RASEF: variants seen among roughly 807,000 people sequenced by gnomAD.
The protein encoded by RASEF is ras and EF-hand domain-containing protein.
In RASEF, 68 loss-of-function variants were observed where a neutral mutation model predicts 90.1. That is an observed-to-expected ratio of 0.75 (90% CI 0.62 to 0.92). RASEF has a LOEUF of 0.92. Among genes scored for constraint, RASEF ranks in the 40% least tolerant of loss-of-function variants. RASEF has a pLI of 0.00. For synonymous variants in RASEF, 331 were observed against 345.2 expected (o/e 0.96, Z 0.46); for missense variants, 949 against 937.2 (o/e 1.01, Z -0.16).
upstream of RASEF, among the ~76,000 whole-genome samples, chr9:83,066,452 C>G (rs143939454): frequency 3.3e-3 from 501 of 152,344 alleles, 4 homozygotes; most frequent in African/African-American, 0.011. Flanking sequence ...GTCATATAAT[C>G]TGTCTCTAAT....
the RASEF span, among the ~76,000 whole-genome samples, chr9:83,105,177 CT>C: frequency 8.5e-5 from 13 of 152,180 alleles, no homozygotes; most frequent in Non-Finnish European, 1.8e-4. Flanking sequence ...TTTCCACCTC[CT>C]TTTGCTGCTT....
At chr9:83,040,668 G>A (rs1290898623) in intron 1 of RASEF, among the ~76,000 whole-genome samples, 4 of 152,066 alleles carry the variant, frequency 2.6e-5, no homozygotes, top group Non-Finnish European at 4.4e-5. Context: ...ATTATATATT[G>A]AATACCTACC....
chr9:83,087,586 T>A, the RASEF span, among the ~76,000 whole-genome samples: 1 of 152,140 alleles, frequency 6.6e-6, no homozygotes, highest in African/African-American at 2.4e-5. Flanking sequence ...CAGTTTTTTT[T>A]AATCCATTGT....
In RASEF at chr9:83,000,891, C is replaced by T; in HGVS notation, c.1437+5G>A. The T allele has an allele frequency of 6.2e-7, 1 of 1,610,556 alleles. No homozygotes were observed. Among genetic ancestry groups the T allele is most frequent in the Non-Finnish European group, 8.5e-7 (1 of 1,176,786 alleles). Reference sequence around the variant, plus strand: ...CCTAGGAGAGCAGTGGTTTCTGGGGCTTACATCTGTGTCTGAAGCATCACC... The same window carrying T: ...CCTAGGAGAGCAGTGGTTTCTGGGGTTTACATCTGTGTCTGAAGCATCACC... On this transcript the variant is annotated splice_donor_5th_base_variant and intron_variant, in intron 10 of 16. Transcript: ENST00000376447.
chr9:82,992,834 G>A, intron 15 of RASEF, 72 bp downstream of exon 15: 1 of 1,523,302 alleles, frequency 6.6e-7, no homozygotes, highest in Non-Finnish European at 8.9e-7. Flanking sequence ...GTAGACAAAA[G>A]TGAAAGGCCA....
the RASEF span, among the ~76,000 whole-genome samples, chr9:83,199,738 G>A: frequency 3.9e-5 from 6 of 152,210 alleles, no homozygotes; most frequent in Non-Finnish European, 8.8e-5. Flanking sequence ...AGGAGGCAGG[G>A]CATGGGTGCT....
At chr9:83,195,831 T>C in the RASEF span, among the ~76,000 whole-genome samples, 4 of 152,012 alleles carry the variant, frequency 2.6e-5, no homozygotes, top group South Asian at 2.1e-4. Flanking sequence ...AGGAATAATA[T>C]ATTTCTTCTC....
intron 16 of RASEF, among the ~76,000 whole-genome samples, chr9:82,984,519 T>G (rs1174426170): frequency 6.6e-6 from 1 of 152,178 alleles, no homozygotes; most frequent in Non-Finnish European, 1.5e-5. Flanking sequence ...ATACATGTTT[T>G]TCATATTTGA....
chr9:83,021,474 TA>T (rs951202133), intron 3 of RASEF, among the ~76,000 whole-genome samples: 73 of 152,184 alleles, frequency 4.8e-4, no homozygotes, highest in African/African-American at 1.6e-3. Flanking sequence ...AAATATTTTA[TA>T]AAAAAATTAT....
chr9:83,204,786 C>T, the RASEF span, among the ~76,000 whole-genome samples: 5 of 152,140 alleles, frequency 3.3e-5, no homozygotes, highest in African/African-American at 4.8e-5. Context: ...GACTGTTTTA[C>T]AAAATGGATA....
rs1015455296 is a variant in RASEF, at chr9:82,986,089, A to G, written c.2118-3307T>C. Among the ~76,000 whole-genome samples the G allele has an allele frequency of 9.5e-4, 144 of 152,212 alleles. 1 individual carries two copies. Among genetic ancestry groups the G allele is most frequent in the African/African-American group, 3.3e-3 (138 of 41,456 alleles). On this transcript the variant is annotated intron_variant, in intron 16 of 16. Coordinates refer to ENST00000376447, the MANE Select transcript of RASEF (RefSeq NM_152573.4). ...TGTGTGGATGGAAGACATTAGACAG[A>G]CAGAGAGTGAAAAGAAAGAGAGGAC...
chr9:83,013,201 GAACAAC>G (rs201832525), intron 4 of RASEF, among the ~76,000 whole-genome samples: 2 of 151,908 alleles, frequency 1.3e-5, no homozygotes, highest in African/African-American at 4.8e-5. Context: ...ATAACCTGGA[GAACAAC>G]AACAACAACA....
the RASEF span, among the ~76,000 whole-genome samples, chr9:83,170,864 G>T: frequency 3.3e-5 from 5 of 151,890 alleles, no homozygotes; most frequent in African/African-American, 1.2e-4. Flanking sequence ...CATATTACCT[G>T]CAAACAATAA....
At chr9:82,997,280 G>A (rs1369041756) in intron 13 of RASEF, among the ~76,000 whole-genome samples, 154 bp from the exon 14 acceptor site, 1 of 152,066 alleles carries the variant, frequency 6.6e-6, no homozygotes, top group Admixed American at 6.6e-5. Context: ...CAAAGGTCTC[G>A]AATGACCCAA....
At chr9:83,211,758 C>T in the RASEF span, among the ~76,000 whole-genome samples, 1 of 152,100 alleles carries the variant, frequency 6.6e-6, no homozygotes, top group Non-Finnish European at 1.5e-5. Flanking sequence ...TTGTCTAGGC[C>T]ACTTGTGCCT....
the RASEF span, among the ~76,000 whole-genome samples, chr9:83,155,855 CA>C: frequency 6.6e-6 from 1 of 152,180 alleles, no homozygotes; most frequent in Non-Finnish European, 1.5e-5. Context: ...TTAGATTCAG[CA>C]GTCAACTGCC....
Position 83,012,431 on chromosome 9 carries a change from T to C in RASEF, c.843+3A>G, listed in dbSNP as rs192841652. On this transcript the variant is annotated splice_donor_region_variant and intron_variant, in intron 5 of 16. Transcript: ENST00000376447. The stretch of plus-strand genomic sequence containing the variant: ...TTTCTGTAAGTGAAAAGGTAATTCT[T>C]ACCATTGATAAATCATAAATTTGTT... 2.7e-5 allele frequency: 41 copies of C among 1,509,192 alleles called. No individual in the cohort carries two copies. The highest frequency in any genetic ancestry group is 3.4e-5 in the Non-Finnish European group (38 of 1,103,258). 93.5% of individuals were successfully genotyped at this position (1,509,192 alleles called of 1,614,324 possible). A position where few individuals can be genotyped will look rare whatever the true frequency, so the allele number is the denominator to read the frequency against.
chr9:83,082,947 T>C, the RASEF span, among the ~76,000 whole-genome samples: 1 of 152,174 alleles, frequency 6.6e-6, no homozygotes, highest in Non-Finnish European at 1.5e-5. Flanking sequence ...CGCCCAGTGA[T>C]CTGTAAGTAT....
rs1397668956 is a variant in RASEF, at chr9:82,980,944, A to C, written c.*1733T>G. 1.3e-5 allele frequency: 2 copies of C among 152,340 alleles called. No individual in the cohort carries two copies. The highest frequency in any genetic ancestry group is 3.9e-4 in the East Asian group (2 of 5,184). The allele number at this position is 152,340 out of a possible 1,614,324, so 9.4% of individuals were successfully genotyped here. A position where few individuals can be genotyped will look rare whatever the true frequency, so the allele number is the denominator to read the frequency against. ...AATAGAGAGAAGGCATGTTTATAAA[A>C]GTTAAATGATGTTGTAGCTATTTAT... is the stretch of plus-strand genomic sequence containing the variant. On this transcript the variant is annotated 3_prime_UTR_variant, in exon 17 of 17. Transcript: ENST00000376447.
Sources: allele counts gnomAD v4.1 joint callset (sites outside exome capture counted in the v4.1 genomes callset), GRCh38; gene constraint gnomAD v4.1.1; transcripts MANE v1.5; gene names NCBI Gene and HGNC (gene_info 2026-07-23, HGNC 2026-07-21).